The following LOC128092253 variants were observed in gnomAD, a reference collection of about 807,000 sequenced individuals.
the LOC128092253 span, among the ~76,000 whole-genome samples, chr6:133,957,232 T>C: frequency 1.3e-5 from 2 of 152,202 alleles, no homozygotes; most frequent in Admixed American, 6.5e-5. Flanking sequence ...TGGGAGTCAA[T>C]AATGAAAATG....
the LOC128092253 span, among the ~76,000 whole-genome samples, chr6:133,963,933 C>T: frequency 2.6e-5 from 4 of 150,946 alleles, no homozygotes; most frequent in African/African-American, 7.3e-5. Flanking sequence ...CGCAGCTACT[C>T]GGGAGGCTGA....
chr6:133,959,435 G>A, the LOC128092253 span, among the ~76,000 whole-genome samples: 1 of 152,100 alleles, frequency 6.6e-6, no homozygotes, highest in South Asian at 2.1e-4. Flanking sequence ...ACAAAGTTCT[G>A]TCTAACACAT....
At chr6:133,961,461 CTTTCTTTTTTTTTTT>C in the LOC128092253 span, among the ~76,000 whole-genome samples, 2 of 134,992 alleles carry the variant, frequency 1.5e-5, no homozygotes, top group African/African-American at 5.5e-5. Context: ...AAGATTCTTT[CTTTCTTTTTTTTTTT>C]TTTTTTTTTT....
chr6:133,955,975 T>C, the LOC128092253 span, among the ~76,000 whole-genome samples: 1 of 152,176 alleles, frequency 6.6e-6, no homozygotes, highest in Admixed American at 6.5e-5. Context: ...ATGAAACATA[T>C]AGCTGAATGT....
chr6:133,976,560 G>A, the LOC128092253 span, among the ~76,000 whole-genome samples: 1 of 152,140 alleles, frequency 6.6e-6, no homozygotes, highest in Non-Finnish European at 1.5e-5. Context: ...AAAGTGGTGA[G>A]TCTGTGTTTT....
chr6:133,973,150 TCTA>T, the LOC128092253 span, among the ~76,000 whole-genome samples: 3 of 152,360 alleles, frequency 2.0e-5, no homozygotes, highest in East Asian at 3.9e-4. Context: ...TATTTCCTAA[TCTA>T]CTATTTGGGG....
At chr6:133,978,104 T>C in the LOC128092253 span, among the ~76,000 whole-genome samples, 1 of 152,144 alleles carries the variant, frequency 6.6e-6, no homozygotes, top group East Asian at 1.9e-4. Flanking sequence ...TGAGCTCTGA[T>C]CATTATGAAG....
the LOC128092253 span, among the ~76,000 whole-genome samples, chr6:133,965,731 A>G: frequency 6.6e-6 from 1 of 151,920 alleles, no homozygotes. Flanking sequence ...AAGGAATATG[A>G]TTTGCTTTTG....
At chr6:133,975,363 T>G in the LOC128092253 span, among the ~76,000 whole-genome samples, 1 of 151,512 alleles carries the variant, frequency 6.6e-6, no homozygotes, top group Admixed American at 6.6e-5. Flanking sequence ...AACAGAGACA[T>G]GAATTATTTT....
At chr6:133,962,189 A>G in the LOC128092253 span, among the ~76,000 whole-genome samples, 2 of 152,308 alleles carry the variant, frequency 1.3e-5, no homozygotes, top group East Asian at 1.9e-4. Context: ...GGGGGTGGGA[A>G]GTCCACTGCA....
the LOC128092253 span, among the ~76,000 whole-genome samples, chr6:133,971,792 T>C: frequency 6.6e-6 from 1 of 152,204 alleles, no homozygotes; most frequent in Non-Finnish European, 1.5e-5. Flanking sequence ...TTTCTTTTGC[T>C]GAGTTGGTTG....
the LOC128092253 span, among the ~76,000 whole-genome samples, chr6:133,955,886 T>C: frequency 6.6e-6 from 1 of 152,230 alleles, no homozygotes; most frequent in Non-Finnish European, 1.5e-5. Context: ...ATTCTTAACA[T>C]AGAAAATTGT....
chr6:133,962,376 C>T, the LOC128092253 span, among the ~76,000 whole-genome samples: 6 of 152,132 alleles, frequency 3.9e-5, no homozygotes, highest in Non-Finnish European at 5.9e-5. Flanking sequence ...GACATGTGAG[C>T]TGGCCTAAAA....
chr6:133,965,234 A>G, the LOC128092253 span, among the ~76,000 whole-genome samples: 1 of 152,220 alleles, frequency 6.6e-6, no homozygotes, highest in Non-Finnish European at 1.5e-5. Flanking sequence ...ACAAATATCA[A>G]ACTTCTCAGT....
the LOC128092253 span, among the ~76,000 whole-genome samples, chr6:133,953,764 A>G: frequency 2.0e-5 from 3 of 150,610 alleles, no homozygotes; most frequent in East Asian, 5.8e-4. Context: ...CCACTGGGAA[A>G]GACGGGGAAA....
the LOC128092253 span, chr6:133,968,834 T>A: frequency 6.6e-6 from 1 of 152,256 alleles, no homozygotes; most frequent in Non-Finnish European, 1.5e-5. Context: ...CATGCCTGGC[T>A]AATTTTTGTA....
chr6:133,980,083 A>G, the LOC128092253 span: 1 of 1,437,806 alleles, frequency 7.0e-7, no homozygotes, highest in African/African-American at 1.5e-5. Context: ...ATTTCTCAGG[A>G]TGTGATCTTC....
the LOC128092253 span, among the ~76,000 whole-genome samples, chr6:133,978,564 T>C: frequency 1.3e-5 from 2 of 152,156 alleles, no homozygotes; most frequent in Admixed American, 6.5e-5. Flanking sequence ...TCACTCCTCA[T>C]ACGTAAAAAT....
At chr6:133,976,967 CAAAAAAA>C in the LOC128092253 span, among the ~76,000 whole-genome samples, 6 of 62,176 alleles carry the variant, frequency 9.7e-5, no homozygotes, top group Non-Finnish European at 6.8e-5. Context: ...GACTTGGTCT[CAAAAAAA>C]AAAAAAAAGA....
Sources: allele counts gnomAD v4.1 joint callset (sites outside exome capture counted in the v4.1 genomes callset), GRCh38; gene constraint gnomAD v4.1.1; transcripts MANE v1.5.